Variants in RBFOX1 observed in about 807,000 individuals in gnomAD.
The protein encoded by RBFOX1 is RNA binding fox-1 homolog 1.
RBFOX1 carries 8 observed loss-of-function variants against 57.7 expected under a neutral mutation model. The observed-to-expected ratio is 0.14, with a 90% CI of 0.08 to 0.25. The LOEUF (loss-of-function observed/expected upper bound fraction) is 0.25. RBFOX1 is among the 10% of genes least tolerant of loss of function. The probability of loss-of-function intolerance (pLI) is 1.00; values close to 1 mark genes in which losing one functional copy is unlikely to be tolerated. For synonymous variants in RBFOX1, 326 were observed against 222.4 expected (o/e 1.47, Z -4.15); for missense variants, 611 against 548.5 (o/e 1.11, Z -1.14).
chr16:6,299,593 T>A (rs974637393), intron 1 of RBFOX1, among the ~76,000 whole-genome samples: 1 of 151,788 alleles, frequency 6.6e-6, no homozygotes, highest in Non-Finnish European at 1.5e-5. Context: ...CACATCCAGG[T>A]CACTCTCTAC....
At chr16:7,029,128 G>C (rs1166612752) in intron 3 of RBFOX1, among the ~76,000 whole-genome samples, 1 of 46,808 alleles carries the variant, frequency 2.1e-5, no homozygotes, top group Admixed American at 2.5e-4. Context: ...ACACATATAC[G>C]TATATATATA....
chr16:7,105,494 C>T (rs1173059127), intron 4 of RBFOX1, among the ~76,000 whole-genome samples: 1 of 152,046 alleles, frequency 6.6e-6, no homozygotes, highest in Non-Finnish European at 1.5e-5. Flanking sequence ...ACCCTTTCCC[C>T]TGAGTCCACA....
intron 1 of RBFOX1, among the ~76,000 whole-genome samples, chr16:6,021,969 C>T (rs942876301): frequency 6.6e-6 from 1 of 152,098 alleles, no homozygotes; most frequent in Non-Finnish European, 1.5e-5. Flanking sequence ...CTTGTAGCAC[C>T]GAGTGGTACA....
At chr16:6,989,506 T>A (rs1416793275) in intron 3 of RBFOX1, among the ~76,000 whole-genome samples, 1 of 152,198 alleles carries the variant, frequency 6.6e-6, no homozygotes, top group Non-Finnish European at 1.5e-5. Flanking sequence ...AATCTTTAGA[T>A]AAACTGATTT....
intron 3 of RBFOX1, chr16:6,723,902 C>T (rs944031002): frequency 6.6e-6 from 1 of 152,172 alleles, no homozygotes; most frequent in Non-Finnish European, 1.5e-5. Context: ...AGAGCACTCA[C>T]CCAGTCATGA....
intron 3 of RBFOX1, among the ~76,000 whole-genome samples, chr16:7,029,190 ACACATATG>A: frequency 1.6e-5 from 1 of 60,730 alleles, no homozygotes; most frequent in Non-Finnish European, 4.7e-5. Flanking sequence ...GTGTATATAT[ACACATATG>A]TATACGTATA....
intron 4 of RBFOX1, among the ~76,000 whole-genome samples, chr16:7,365,223 C>T (rs1016879010): frequency 2.0e-5 from 3 of 152,122 alleles, no homozygotes; most frequent in Non-Finnish European, 2.9e-5. Flanking sequence ...ATATAAATGT[C>T]ATTAGAAACC....
At chr16:6,601,679 G>A (rs149954335) in intron 2 of RBFOX1, among the ~76,000 whole-genome samples, 6 of 152,124 alleles carry the variant, frequency 3.9e-5, no homozygotes, top group Non-Finnish European at 8.8e-5. Flanking sequence ...ACGTATAAGA[G>A]GTCAGATCTG....
chr16:5,395,705 G>C (rs1000561383), intron 1 of RBFOX1, among the ~76,000 whole-genome samples: 3 of 152,174 alleles, frequency 2.0e-5, no homozygotes, highest in Non-Finnish European at 2.9e-5. Flanking sequence ...CAAAAGGGAT[G>C]CTCTGTTGCA....
chr16:6,948,744 A>C (rs540906032), intron 3 of RBFOX1, among the ~76,000 whole-genome samples: 26 of 151,698 alleles, frequency 1.7e-4, no homozygotes, highest in Non-Finnish European at 3.4e-4. Context: ...AATGTTCACT[A>C]CTCCATTCAA....
At chr16:6,996,811 A>T (rs538720848) in intron 3 of RBFOX1, among the ~76,000 whole-genome samples, 1 of 152,164 alleles carries the variant, frequency 6.6e-6, no homozygotes, top group Non-Finnish European at 1.5e-5. Flanking sequence ...TGGCCAGTCT[A>T]TGAGTTGATT....
rs182674112 is a variant in RBFOX1 at position 6,002,326 on chromosome 16, A to G, written c.351+134991A>G. ...CTCTTTTGTCCTAGATTAACAGGCT[A>G]ATTTGCTCTCAAGAACTGAGGGAGT... On this transcript the variant is annotated intron_variant, in intron 4 of 19. Coordinates refer to the RBFOX1 transcript ENST00000641259. 7.9e-5 allele frequency among the ~76,000 whole-genome samples: 12 copies of G among 152,258 alleles called. No homozygotes were observed. The East Asian group carries it at 1.9e-3, about 25-fold the overall frequency.
chr16:5,622,996 G>A (rs918570521), intron 3 of RBFOX1, among the ~76,000 whole-genome samples: 3 of 152,166 alleles, frequency 2.0e-5, no homozygotes, highest in African/African-American at 7.2e-5. Context: ...ATGTCTGTAG[G>A]TTATATGCAA....
At chr16:7,690,394 T>G (rs150911127) in intron 14 of RBFOX1, among the ~76,000 whole-genome samples, 3 of 152,256 alleles carry the variant, frequency 2.0e-5, no homozygotes, top group East Asian at 1.9e-4. Flanking sequence ...TGGTCTTCAG[T>G]GTAGCTTGGT....
intron 1 of RBFOX1, among the ~76,000 whole-genome samples, chr16:6,204,714 C>A (rs997417566): frequency 2.6e-5 from 4 of 152,060 alleles, no homozygotes; most frequent in Admixed American, 2.6e-4. Flanking sequence ...AGAAAGTATG[C>A]AGTGTGAAGG....
At chr16:5,760,878 T>C (rs971654636) in intron 3 of RBFOX1, among the ~76,000 whole-genome samples, 1 of 152,162 alleles carries the variant, frequency 6.6e-6, no homozygotes, top group East Asian at 1.9e-4. Context: ...GGTTTCCCTT[T>C]GGGGTGATGA....
chr16:6,107,998 C>A (rs886404486), intron 1 of RBFOX1, among the ~76,000 whole-genome samples: 12 of 151,930 alleles, frequency 7.9e-5, no homozygotes, highest in Admixed American at 7.9e-4. Context: ...CCTGTGATGT[C>A]ACACACAGCT....
rs571831302 is a variant in RBFOX1, at chr16:5,968,487, C to G, written c.351+101152C>G. Among the ~76,000 whole-genome samples, 158 of 152,278 alleles carry G rather than the reference C, an allele frequency of 1.0e-3. 2 individuals are homozygous for G. The highest frequency in any genetic ancestry group is 1.8e-3 in the Non-Finnish European group (124 of 68,020). On this transcript the variant is annotated intron_variant, in intron 4 of 19. Transcript: ENST00000641259. ...TAGGTGACTTGTGTTGGATGTAGAA[C>G]ACGTGGGTCACTTTATTTAAGTCTC...
intron 3 of RBFOX1, among the ~76,000 whole-genome samples, chr16:6,998,120 A>T (rs2092425964): frequency 6.6e-6 from 1 of 152,146 alleles, no homozygotes. Context: ...TAGCATATGT[A>T]GTATATAATT....
Sources: gnomAD v4.1 joint callset for allele counts (sites outside exome capture counted in the v4.1 genomes callset) on GRCh38, gnomAD v4.1.1 for gene constraint, MANE v1.5 for transcripts, NCBI Gene and HGNC (gene_info 2026-07-23, HGNC 2026-07-21) for gene names.